Variants in SKAP1 observed in about 807,000 individuals in gnomAD.
The protein encoded by SKAP1 is src kinase-associated phosphoprotein 1.
Under a neutral mutation model 58.5 loss-of-function variants are expected in SKAP1, and 44 were observed. The observed-to-expected ratio is 0.75, with a 90% CI of 0.59 to 0.97. The LOEUF is 0.97. Ranked by LOEUF, SKAP1 falls within the 50% of genes least tolerant of loss-of-function variation. SKAP1 has a pLI of 0.00. For synonymous variants in SKAP1, 127 were observed against 149.7 expected (o/e 0.85, Z 1.11); for missense variants, 390 against 435.2 (o/e 0.90, Z 0.92).
intron 4 of SKAP1, among the ~76,000 whole-genome samples, chr17:48,222,994 G>A (rs1472343977): frequency 7.0e-6 from 1 of 142,068 alleles, no homozygotes; most frequent in African/African-American, 2.6e-5. Context: ...AACCTGGGAG[G>A]CAGAGGTTGC....
intron 4 of SKAP1, among the ~76,000 whole-genome samples, chr17:48,222,720 C>T (rs973796482): frequency 4.0e-5 from 6 of 151,330 alleles, no homozygotes; most frequent in Non-Finnish European, 8.8e-5. Flanking sequence ...CCTCATGATA[C>T]GCCCACCTCG....
At chr17:48,229,579 CCACTGCACTCCAGCCTGGGTGA>C (rs1455634252) in intron 4 of SKAP1, among the ~76,000 whole-genome samples, 22 of 152,046 alleles carry the variant, frequency 1.4e-4, no homozygotes, top group Admixed American at 1.3e-3. Flanking sequence ...TGAGATCATG[CCACTGCACTCCAGCCTGGGTGA>C]CAGAGTGAGA....
chr17:48,288,287 T>G, intron 4 of SKAP1, among the ~76,000 whole-genome samples: 1 of 152,218 alleles, frequency 6.6e-6, no homozygotes, highest in Non-Finnish European at 1.5e-5. Context: ...AATAATTCTC[T>G]CTCTATAAGA....
chr17:48,187,779 T>C, intron 6 of SKAP1, 64 bp downstream of exon 6: 2 of 1,176,348 alleles, frequency 1.7e-6, no homozygotes, highest in Non-Finnish European at 2.5e-6. Context: ...TCTAAGTGCT[T>C]GAGAATTTAC....
intron 4 of SKAP1, among the ~76,000 whole-genome samples, chr17:48,268,650 C>G (rs936366916): frequency 6.6e-6 from 1 of 152,006 alleles, no homozygotes; most frequent in Non-Finnish European, 1.5e-5. Context: ...TGCCACCATA[C>G]CCAGCTAATT....
chr17:48,203,487 C>T (rs2064755601), intron 4 of SKAP1, among the ~76,000 whole-genome samples: 1 of 152,202 alleles, frequency 6.6e-6, no homozygotes, highest in African/African-American at 2.4e-5. Flanking sequence ...TTCCGAGCAG[C>T]CTTTCTCACA....
chr17:48,309,000 T>C (rs562268327), intron 4 of SKAP1, among the ~76,000 whole-genome samples: 85 of 152,156 alleles, frequency 5.6e-4, no homozygotes, highest in Non-Finnish European at 1.1e-3. Context: ...AGTATCATTT[T>C]TTTTGATACC....
chr17:48,211,156 T>G (rs1234631506), intron 4 of SKAP1, among the ~76,000 whole-genome samples: 1 of 152,162 alleles, frequency 6.6e-6, no homozygotes, highest in Non-Finnish European at 1.5e-5. Flanking sequence ...TTATGAATTA[T>G]CTGGGCTGGG....
At chr17:48,369,787 G>A (rs899829274) in intron 2 of SKAP1, among the ~76,000 whole-genome samples, 3 of 152,136 alleles carry the variant, frequency 2.0e-5, no homozygotes, top group African/African-American at 2.4e-5. Flanking sequence ...AAAGCTAATG[G>A]ACAAGTGGAC....
intron 11 of SKAP1, among the ~76,000 whole-genome samples, chr17:48,148,511 T>C (rs1360951392): frequency 2.0e-5 from 3 of 152,232 alleles, no homozygotes; most frequent in Non-Finnish European, 2.9e-5. Context: ...CCGCTCTGTT[T>C]TGCTCTGACC....
intron 4 of SKAP1, among the ~76,000 whole-genome samples, chr17:48,298,919 CT>C (rs1301148234): frequency 9.2e-5 from 14 of 152,096 alleles, no homozygotes; most frequent in African/African-American, 3.4e-4. Flanking sequence ...AAATTGTGAT[CT>C]GATAAAAATG....
chr17:48,154,914 G>T (rs7501770), intron 11 of SKAP1, among the ~76,000 whole-genome samples: 84,111 of 150,760 alleles, frequency 0.56, 24,425 homozygotes, highest in East Asian at 0.77. Context: ...CAAAAAATTA[G>T]CCAGGTGTGG....
chr17:48,225,041 T>C (rs528353636), intron 4 of SKAP1, among the ~76,000 whole-genome samples: 22 of 152,318 alleles, frequency 1.4e-4, no homozygotes, highest in African/African-American at 5.3e-4. Context: ...AAATTTAAAA[T>C]TTAATAGAGA....
intron 4 of SKAP1, among the ~76,000 whole-genome samples, chr17:48,269,632 G>C (rs1567846208): frequency 1.3e-5 from 1 of 79,406 alleles, no homozygotes; most frequent in African/African-American, 5.1e-5. Context: ...ATGTTCTGAA[G>C]GATAGTTAGT....
chr17:48,265,746 TC>T (rs1334651591), intron 4 of SKAP1, among the ~76,000 whole-genome samples: 1 of 152,042 alleles, frequency 6.6e-6, no homozygotes, highest in Non-Finnish European at 1.5e-5. Context: ...CCTTTCTCTT[TC>T]CCTCCCCCCA....
chr17:48,372,163 G>A (rs980652082), intron 2 of SKAP1, among the ~76,000 whole-genome samples: 4 of 151,912 alleles, frequency 2.6e-5, no homozygotes, highest in Admixed American at 2.6e-4. Flanking sequence ...GTAGAGATGG[G>A]GTTTTCCCAT....
At chr17:48,232,485 T>C (rs1567830847) in intron 4 of SKAP1, among the ~76,000 whole-genome samples, 1 of 152,250 alleles carries the variant, frequency 6.6e-6, no homozygotes, top group Admixed American at 6.5e-5. Context: ...GTAAAGGTGA[T>C]ACAAATGTAT....
At chr17:48,154,355 A>G (rs1400485120) in intron 11 of SKAP1, among the ~76,000 whole-genome samples, 1 of 152,184 alleles carries the variant, frequency 6.6e-6, no homozygotes, top group Non-Finnish European at 1.5e-5. Context: ...CTTTGTCTGT[A>G]TGGCTCCCTG....
intron 4 of SKAP1, among the ~76,000 whole-genome samples, chr17:48,326,889 C>CT (rs35868072): frequency 0.03 from 3,682 of 121,552 alleles, 210 homozygotes; most frequent in African/African-American, 0.1. Context: ...TTCTTTCTTT[C>CT]TTTTTTTTTT....
Sources: gnomAD v4.1 joint callset for allele counts (sites outside exome capture counted in the v4.1 genomes callset) on GRCh38, gnomAD v4.1.1 for gene constraint, MANE v1.5 for transcripts, NCBI Gene and HGNC (gene_info 2026-07-23, HGNC 2026-07-21) for gene names.